Variants in CNTNAP2 observed in about 807,000 individuals in gnomAD.
The protein encoded by CNTNAP2 is contactin-associated protein-like 2.
In CNTNAP2, 98 loss-of-function variants were observed where a neutral mutation model predicts 155.2. That is an observed-to-expected ratio of 0.63 (90% confidence interval 0.54 to 0.75). The LOEUF (loss-of-function observed/expected upper bound fraction) is 0.75, where lower values mean the gene tolerates loss of function less well. CNTNAP2 is among the 30% of genes least tolerant of loss of function. CNTNAP2 has a pLI of 0.00. For synonymous variants in CNTNAP2, 651 were observed against 631.2 expected (o/e 1.03, Z -0.47); for missense variants, 1,727 against 1,688.1 (o/e 1.02, Z -0.40).
chr7:147,147,465 T>C (rs1801729774), intron 8 of CNTNAP2, among the ~76,000 whole-genome samples: 1 of 152,124 alleles, frequency 6.6e-6, no homozygotes, highest in Non-Finnish European at 1.5e-5. Context: ...AAATGATTCC[T>C]TTTCAGCAAA....
At chr7:146,505,708 G>A (rs1347336786) in intron 1 of CNTNAP2, among the ~76,000 whole-genome samples, 1 of 152,194 alleles carries the variant, frequency 6.6e-6, no homozygotes, top group African/African-American at 2.4e-5. Context: ...CCAAAGCCAG[G>A]TTTTTTGTTC....
intron 13 of CNTNAP2, among the ~76,000 whole-genome samples, chr7:147,660,805 G>A (rs899653046): frequency 6.6e-6 from 1 of 152,204 alleles, no homozygotes; most frequent in Non-Finnish European, 1.5e-5. Flanking sequence ...AGAGAAGTAA[G>A]ATGGTAGGAG....
chr7:147,679,516 C>T (rs1256962035), intron 13 of CNTNAP2, among the ~76,000 whole-genome samples: 1 of 151,768 alleles, frequency 6.6e-6, no homozygotes, highest in Non-Finnish European at 1.5e-5. Context: ...AATATGGCCA[C>T]GTTGTAAATG....
chr7:147,651,059 G>A (rs560482668), intron 13 of CNTNAP2, among the ~76,000 whole-genome samples: 13 of 152,080 alleles, frequency 8.5e-5, no homozygotes, highest in Non-Finnish European at 1.8e-4. Context: ...AGAAAATAGG[G>A]TCTCAGAGTA....
intron 13 of CNTNAP2, among the ~76,000 whole-genome samples, chr7:147,852,265 A>G (rs763675626): frequency 1.4e-4 from 22 of 152,218 alleles, no homozygotes; most frequent in Non-Finnish European, 2.8e-4. Context: ...CTTAATTGTT[A>G]TTGCCAAGAA....
intron 8 of CNTNAP2, among the ~76,000 whole-genome samples, chr7:147,250,390 A>G (rs1804170508): frequency 6.8e-6 from 1 of 147,980 alleles, no homozygotes; most frequent in African/African-American, 2.5e-5. Context: ...GCTTTTTATA[A>G]TAAAAAAAAT....
At chr7:146,711,406 A>G (rs1801069727) in intron 1 of CNTNAP2, among the ~76,000 whole-genome samples, 1 of 147,272 alleles carries the variant, frequency 6.8e-6, no homozygotes. Flanking sequence ...TGTATAATAT[A>G]TACTATGTAA....
intron 8 of CNTNAP2, among the ~76,000 whole-genome samples, chr7:147,202,969 T>G (rs905975009): frequency 5.9e-5 from 9 of 151,502 alleles, no homozygotes; most frequent in African/African-American, 2.2e-4. Context: ...ATTCCATAAG[T>G]CTGATTCTTA....
chr7:148,413,444 ATATT>A lies in CNTNAP2; in HGVS notation c.3797-1972_3797-1969del, dbSNP rs1290338871. Among the ~76,000 whole-genome samples, 33 of 109,088 alleles carry A rather than the reference ATATT, an allele frequency of 3.0e-4. 1 individual carries two copies. Among genetic ancestry groups the A allele is most frequent in the Middle Eastern group, 5.2e-3 (1 of 194 alleles). The allele number at this position is 109,088 out of a possible 152,430, so 71.6% of individuals were successfully genotyped here. ...TATATATATATATATATATATATAT[ATATT>A]GCTCCATAGTTTTCTTGTAACATTT... On this transcript the variant is annotated intron_variant, in intron 23 of 23. Transcript: ENST00000361727.
chr7:147,661,073 T>C (rs999142435), intron 13 of CNTNAP2, among the ~76,000 whole-genome samples: 4 of 152,122 alleles, frequency 2.6e-5, no homozygotes, highest in African/African-American at 9.7e-5. Flanking sequence ...AACCTATTTC[T>C]CCATGATGTA....
chr7:146,508,658 C>T (rs1797420742), intron 1 of CNTNAP2, among the ~76,000 whole-genome samples: 1 of 152,326 alleles, frequency 6.6e-6, no homozygotes, highest in East Asian at 1.9e-4. Flanking sequence ...CCTAATCAAA[C>T]ACAAAACGCT....
intron 1 of CNTNAP2, among the ~76,000 whole-genome samples, chr7:146,312,306 GAGTT>G (rs1039461284): frequency 4.6e-5 from 7 of 152,166 alleles, no homozygotes; most frequent in Non-Finnish European, 1.0e-4. Flanking sequence ...GAGAGGGTGA[GAGTT>G]AGTTGATGAG....
At chr7:148,162,130 A>T (rs1805558298) in intron 17 of CNTNAP2, among the ~76,000 whole-genome samples, 1 of 152,194 alleles carries the variant, frequency 6.6e-6, no homozygotes, top group South Asian at 2.1e-4. Flanking sequence ...AAATGTTTAA[A>T]TAGAGACTTT....
intron 13 of CNTNAP2, among the ~76,000 whole-genome samples, chr7:147,887,711 A>T (rs998249398): frequency 3.9e-5 from 6 of 152,186 alleles, no homozygotes; most frequent in African/African-American, 1.4e-4. Flanking sequence ...ATTATATCAA[A>T]TATCCCTGTA....
intron 1 of CNTNAP2, among the ~76,000 whole-genome samples, chr7:146,228,965 C>T (rs1799338755): frequency 6.6e-6 from 1 of 152,178 alleles, no homozygotes; most frequent in South Asian, 2.1e-4. Flanking sequence ...AATTATCTTT[C>T]GAATCACACA....
At chr7:147,438,031 C>T (rs1029718783) in intron 10 of CNTNAP2, among the ~76,000 whole-genome samples, 1 of 151,848 alleles carries the variant, frequency 6.6e-6, no homozygotes, top group African/African-American at 2.4e-5. Context: ...TAGGTTTTTC[C>T]AAATATAAGA....
rs991753376 is a variant in CNTNAP2 at position 148,416,260 on chromosome 7, G to C, written c.*644G>C. The C allele has an allele frequency of 6.5e-6, 1 of 152,890 alleles. No individual in the cohort carries two copies. Among genetic ancestry groups the C allele is most frequent in the Non-Finnish European group, 1.5e-5 (1 of 68,720 alleles). 9.5% of individuals were successfully genotyped at this position (152,890 alleles called of 1,614,324 possible). On this transcript the variant is annotated 3_prime_UTR_variant, in exon 24 of 24. Coordinates refer to ENST00000361727, the MANE Select transcript of CNTNAP2 (RefSeq NM_014141.6). Reference sequence around the variant, plus strand: ...GAAGGAAGAGAGTGCATGGCACCTGGTGTGTAACGACACAATCAGCACAAC... The same window carrying C: ...GAAGGAAGAGAGTGCATGGCACCTGCTGTGTAACGACACAATCAGCACAAC...
chr7:147,965,765 G>A (rs1192315102), intron 14 of CNTNAP2, among the ~76,000 whole-genome samples: 3 of 151,840 alleles, frequency 2.0e-5, no homozygotes, highest in African/African-American at 7.3e-5. Context: ...TCTTTCCATG[G>A]CTGCATTCTG....
chr7:147,194,394 G>A (rs1057334442), intron 8 of CNTNAP2, among the ~76,000 whole-genome samples: 7 of 152,010 alleles, frequency 4.6e-5, no homozygotes, highest in African/African-American at 1.7e-4. Flanking sequence ...ATAAATATAC[G>A]TGGGCATGTG....
Sources: gnomAD v4.1 joint callset for allele counts (sites outside exome capture counted in the v4.1 genomes callset) on GRCh38, gnomAD v4.1.1 for gene constraint, MANE v1.5 for transcripts, NCBI Gene and HGNC (gene_info 2026-07-23, HGNC 2026-07-21) for gene names.